Variants in MYO1B observed in about 807,000 individuals in gnomAD.
The protein encoded by MYO1B is unconventional myosin-Ib.
MYO1B carries 72 observed loss-of-function variants against 159.7 expected under a neutral mutation model. The observed-to-expected ratio is 0.45, with a 90% CI of 0.37 to 0.55. The LOEUF (loss-of-function observed/expected upper bound fraction) is 0.55, where lower values mean the gene tolerates loss of function less well. Ranked by LOEUF, MYO1B falls within the 20% of genes least tolerant of loss-of-function variation. MYO1B has a pLI of 0.00. For synonymous variants in MYO1B, 468 were observed against 473.8 expected (o/e 0.99, Z 0.16); for missense variants, 1,062 against 1,364.8 (o/e 0.78, Z 3.50).
Position 191,325,860 on chromosome 2 carries a change from A to G in MYO1B, c.252-4075A>G, listed in dbSNP as rs559939238. ...GACAGAAAATAACAGATGAGCCCCA[A>G]ACCAAACTTCTAAAACCTAAAAGTG... is the stretch of plus-strand genomic sequence containing the variant. On this transcript the variant is annotated intron_variant, in intron 3 of 30. Coordinates refer to ENST00000392318, the MANE Select transcript of MYO1B (RefSeq NM_001130158.3). Among the ~76,000 whole-genome samples, 5 of 152,256 alleles carry G rather than the reference A, an allele frequency of 3.3e-5. No individual in the cohort carries two copies. In the South Asian group the frequency reaches 1.0e-3, roughly 32 times the overall value.
chr2:191,338,141 G>A (rs1691976728), intron 4 of MYO1B, among the ~76,000 whole-genome samples: 3 of 149,864 alleles, frequency 2.0e-5, no homozygotes, highest in African/African-American at 2.4e-5. Context: ...TATATGTCAG[G>A]AAAAAAAAAA....
intron 10 of MYO1B, 114 bp downstream of exon 10, chr2:191,363,989 T>TA (rs1388495082): frequency 7.3e-7 from 1 of 1,363,574 alleles, no homozygotes; most frequent in East Asian, 2.3e-5. Flanking sequence ...GAAAGCTTTC[T>TA]AATGAAACTG....
At chr2:191,310,495 G>A (rs750493721) in intron 3 of MYO1B, among the ~76,000 whole-genome samples, 3 of 152,198 alleles carry the variant, frequency 2.0e-5, no homozygotes, top group Non-Finnish European at 2.9e-5. Context: ...GAGCCACCAC[G>A]CCCGACCTGA....
At chr2:191,271,278 T>C (rs970055894) in intron 1 of MYO1B, among the ~76,000 whole-genome samples, 1 of 152,248 alleles carries the variant, frequency 6.6e-6, no homozygotes, top group Non-Finnish European at 1.5e-5. Flanking sequence ...CTAATGATGT[T>C]ATAATATATG....
intron 3 of MYO1B, among the ~76,000 whole-genome samples, chr2:191,325,307 G>C (rs1402392109): frequency 3.3e-5 from 5 of 152,066 alleles, no homozygotes; most frequent in African/African-American, 1.2e-4. Context: ...AGAATTTCCT[G>C]GTGTTATTTG....
chr2:191,252,597 A>G (rs746524579), intron 1 of MYO1B, among the ~76,000 whole-genome samples: 1 of 152,188 alleles, frequency 6.6e-6, no homozygotes, highest in Admixed American at 6.5e-5. Flanking sequence ...GAATGTTGCT[A>G]TTGAAAAGTG....
rs1354271448 is a variant in MYO1B, at chr2:191,284,062, G to A, written c.135+7032G>A. ...ATGACAATGATTTTTTCCCCACTGT[G>A]GAAGGTGGGAGAAGATACTGGGAGG... is the stretch of plus-strand genomic sequence containing the variant. On this transcript the variant is annotated intron_variant, in intron 2 of 30. Transcript: ENST00000392318. Among the ~76,000 whole-genome samples, 4 of 152,200 alleles carry A rather than the reference G, an allele frequency of 2.6e-5. 1 individual carries two copies. The highest frequency in any genetic ancestry group is 3.2e-3 in the Middle Eastern group (1 of 316).
intron 7 of MYO1B, among the ~76,000 whole-genome samples, chr2:191,351,116 C>T (rs994003097): frequency 6.6e-6 from 1 of 151,858 alleles, no homozygotes; most frequent in Non-Finnish European, 1.5e-5. Flanking sequence ...TGAACCTTCT[C>T]CTGCCCTTGC....
chr2:191,321,782 G>T (rs946244534), intron 3 of MYO1B, among the ~76,000 whole-genome samples: 1 of 152,222 alleles, frequency 6.6e-6, no homozygotes, highest in South Asian at 2.1e-4. Flanking sequence ...TTACAGATAT[G>T]TTTATTACCT....
At chr2:191,275,355 CT>C (rs61105206) in intron 1 of MYO1B, among the ~76,000 whole-genome samples, 1 of 151,900 alleles carries the variant, frequency 6.6e-6, no homozygotes, top group African/African-American at 2.4e-5. Context: ...CTTAGTCTCT[CT>C]TTTTTGGCTT....
At chr2:191,288,342 C>T (rs893649417) in intron 2 of MYO1B, among the ~76,000 whole-genome samples, 2 of 151,968 alleles carry the variant, frequency 1.3e-5, no homozygotes, top group Non-Finnish European at 2.9e-5. Flanking sequence ...GGAACTTTGT[C>T]CAAATCATGC....
intron 1 of MYO1B, among the ~76,000 whole-genome samples, chr2:191,251,546 C>T (rs977696140): frequency 1.4e-4 from 22 of 152,144 alleles, no homozygotes; most frequent in Admixed American, 7.2e-4. Context: ...CTCTGCCTTC[C>T]GGGGACTTTC....
chr2:191,399,128 T>C (rs1465734341), intron 21 of MYO1B, among the ~76,000 whole-genome samples: 1 of 150,828 alleles, frequency 6.6e-6, no homozygotes, highest in African/African-American at 2.4e-5. Flanking sequence ...CAGTCAGGCG[T>C]GGCGGCACGC....
At chr2:191,346,070 C>G (rs1203156521) in intron 5 of MYO1B, among the ~76,000 whole-genome samples, 166 bp from the exon 6 acceptor site, 1 of 152,200 alleles carries the variant, frequency 6.6e-6, no homozygotes, top group African/African-American at 2.4e-5. Flanking sequence ...TAGCAACTTA[C>G]TAAGACTTCT....
chr2:191,293,871 A>G (rs1366504274), intron 2 of MYO1B, among the ~76,000 whole-genome samples: 1 of 152,196 alleles, frequency 6.6e-6, no homozygotes, highest in African/African-American at 2.4e-5. Flanking sequence ...CTCTGGTTCA[A>G]ACACCTCTAA....
chr2:191,309,493 T>C (rs989851059), intron 3 of MYO1B, among the ~76,000 whole-genome samples: 6 of 152,192 alleles, frequency 3.9e-5, no homozygotes, highest in Admixed American at 6.5e-5. Context: ...GTGATCTTTT[T>C]TAAAGATCTC....
At chr2:191,253,402 C>A (rs1444932591) in intron 1 of MYO1B, among the ~76,000 whole-genome samples, 1 of 152,146 alleles carries the variant, frequency 6.6e-6, no homozygotes, top group Non-Finnish European at 1.5e-5. Context: ...TCACTCTCAA[C>A]TGTGTCTTGT....
intron 1 of MYO1B, among the ~76,000 whole-genome samples, chr2:191,254,125 G>A (rs1686290718): frequency 6.6e-6 from 1 of 152,214 alleles, no homozygotes; most frequent in Non-Finnish European, 1.5e-5. Context: ...TGTGTTTGCT[G>A]TGGGAGCCTG....
rs775069979 is a variant in MYO1B, at chr2:191,424,043, G to T, written c.*83G>T. ...TTGTTTTATTTGGGGTTCATTGTATGTTTGGGAATCACCAAAGGCTTTTAG... is the reference window on the plus strand; with the variant it reads ...TTGTTTTATTTGGGGTTCATTGTATTTTTGGGAATCACCAAAGGCTTTTAG... On this transcript the variant is annotated 3_prime_UTR_variant, in exon 31 of 31. Transcript: ENST00000392318. 2.7e-6 allele frequency: 4 copies of T among 1,467,498 alleles called. No homozygotes were observed. The highest frequency in any genetic ancestry group is 3.7e-6 in the Non-Finnish European group (4 of 1,090,064). The allele number at this position is 1,467,498 out of a possible 1,614,324, so 90.9% of individuals were successfully genotyped here. A position where few individuals can be genotyped will look rare whatever the true frequency, so the allele number is the denominator to read the frequency against.
Sources: gnomAD v4.1 joint callset for allele counts (sites outside exome capture counted in the v4.1 genomes callset) on GRCh38, gnomAD v4.1.1 for gene constraint, MANE v1.5 for transcripts, NCBI Gene and HGNC (gene_info 2026-07-23, HGNC 2026-07-21) for gene names.